Variants in NRXN3 observed in about 807,000 individuals in gnomAD.
NRXN3 encodes neurexin III.
Under a neutral mutation model 137.6 loss-of-function variants are expected in NRXN3, and 32 were observed. The ratio of observed to expected loss-of-function variants is 0.23; its 90% CI spans 0.18 to 0.31. The LOEUF is 0.31. Among genes scored for constraint, NRXN3 ranks in the 10% least tolerant of loss-of-function variants. The pLI, the probability that NRXN3 is intolerant of heterozygous loss-of-function variation, is 1.00. For missense variants in NRXN3, 1,574 were observed against 2,062.5 expected (o/e 0.76, Z 4.59); for synonymous variants, 798 against 784.5 (o/e 1.02, Z -0.29).
At chr14:78,586,452 G>A (rs61507436) in intron 4 of NRXN3, among the ~76,000 whole-genome samples, 2,048 of 152,276 alleles carry the variant, frequency 0.013, 39 homozygotes, top group African/African-American at 0.047. Context: ...TAGTAGCACA[G>A]GATTGGCATA....
rs566059105 is a variant in NRXN3, at chr14:79,526,197, G to A, written c.3444+58795G>A. Among the ~76,000 whole-genome samples the A allele has an allele frequency of 5.9e-5, 9 of 152,170 alleles. No individual in the cohort carries two copies. The East Asian group carries it at 1.6e-3, about 26-fold the overall frequency. On this transcript the variant is annotated intron_variant, in intron 16 of 20. Coordinates refer to ENST00000335750, the MANE Select transcript of NRXN3 (RefSeq NM_001330195.2). ...CGAGTAGCTGGGATTACAGGCATGT[G>A]CCACCACGCCCAGCTAATTTTGTAT... is the stretch of plus-strand genomic sequence containing the variant.
chr14:79,302,370 T>TTGGC (rs1433585332), intron 15 of NRXN3, among the ~76,000 whole-genome samples: 1 of 151,980 alleles, frequency 6.6e-6, no homozygotes, highest in African/African-American at 2.4e-5. Flanking sequence ...CAGCATCTGC[T>TTGGC]TGGCTTCTGG....
intron 6 of NRXN3, among the ~76,000 whole-genome samples, chr14:78,685,956 A>G (rs2098122288): frequency 6.6e-6 from 1 of 151,912 alleles, no homozygotes; most frequent in Non-Finnish European, 1.5e-5. Context: ...GCCATGTCAC[A>G]GTTTTATAGG....
intron 15 of NRXN3, among the ~76,000 whole-genome samples, chr14:79,105,905 A>G (rs891142120): frequency 1.2e-4 from 19 of 152,074 alleles, no homozygotes; most frequent in African/African-American, 4.6e-4. Flanking sequence ...TTCTTCTCTT[A>G]TCGTTATGAT....
intron 4 of NRXN3, among the ~76,000 whole-genome samples, chr14:78,346,194 G>A (rs1284468639): frequency 6.6e-6 from 1 of 152,166 alleles, no homozygotes; most frequent in Non-Finnish European, 1.5e-5. Flanking sequence ...ACAACCTCTG[G>A]CTGATCTCTG....
intron 15 of NRXN3, among the ~76,000 whole-genome samples, chr14:79,296,878 T>TGTTTAATGTGGCCTAGCA (rs1190545100): frequency 1.3e-5 from 2 of 152,232 alleles, no homozygotes; most frequent in Non-Finnish European, 2.9e-5. Flanking sequence ...AAGATAAAAA[T>TGTTTAATGTGGCCTAGCA]GTTTAATGTG....
intron 4 of NRXN3, among the ~76,000 whole-genome samples, chr14:78,315,228 G>A (rs1355701330): frequency 6.6e-6 from 1 of 151,858 alleles, no homozygotes; most frequent in Non-Finnish European, 1.5e-5. Context: ...CTTGACCTAA[G>A]TTGATCCGCC....
Position 78,996,845 on chromosome 14 carries a change from C to G in NRXN3, c.3262+8704C>G, listed in dbSNP as rs568104851. Among the ~76,000 whole-genome samples, 87 of 152,166 alleles carry G rather than the reference C, an allele frequency of 5.7e-4. 1 individual carries two copies. In the South Asian group the frequency reaches 0.018, roughly 31 times the overall value. On this transcript the variant is annotated intron_variant, in intron 15 of 20. Coordinates refer to ENST00000335750, the MANE Select transcript of NRXN3 (RefSeq NM_001330195.2). Reference sequence around the variant, plus strand: ...ATTTCTCTGCATCTGTTTTTATTCTCGGGCCCACAGATATTCCATGGAGCC... The same window carrying G: ...ATTTCTCTGCATCTGTTTTTATTCTGGGGCCCACAGATATTCCATGGAGCC...
At position 79,167,631 on chromosome 14, in the gene NRXN3, TTA is replaced by T. The variant is rs869095149; in HGVS notation, c.3262+179492_3262+179493del. On this transcript the variant is annotated intron_variant, in intron 15 of 20. Transcript: ENST00000335750. ...TTGTTATTCCTACCAGGTTTTGTTG[TTA>T]TTTTTTTTCTTCAATGATGTCTAAT... Among the ~76,000 whole-genome samples the T allele has an allele frequency of 7.1e-4, 101 of 142,440 alleles. 1 individual carries two copies. The highest frequency in any genetic ancestry group is 2.2e-3 in the African/African-American group (86 of 39,446). The allele number at this position is 142,440 out of a possible 152,430, so 93.4% of individuals were successfully genotyped here.
At chr14:78,859,690 A>G (rs1027363178) in intron 10 of NRXN3, among the ~76,000 whole-genome samples, 2 of 152,192 alleles carry the variant, frequency 1.3e-5, no homozygotes, top group Admixed American at 6.6e-5. Flanking sequence ...CTTGTTATAT[A>G]TATCATCTCC....
intron 10 of NRXN3, among the ~76,000 whole-genome samples, chr14:78,860,036 C>T (rs2099068262): frequency 2.0e-5 from 3 of 152,104 alleles, no homozygotes; most frequent in Admixed American, 2.0e-4. Flanking sequence ...TAATTCCTTT[C>T]TCTTTGACAG....
chr14:78,591,897 A>G (rs1376397816), intron 4 of NRXN3, among the ~76,000 whole-genome samples: 1 of 152,168 alleles, frequency 6.6e-6, no homozygotes, highest in Non-Finnish European at 1.5e-5. Flanking sequence ...TTAGATTCAT[A>G]CTTTTAACCT....
chr14:79,392,968 T>TAAA (rs1168735117), intron 15 of NRXN3, among the ~76,000 whole-genome samples: 1 of 10,778 alleles, frequency 9.3e-5, no homozygotes, highest in Non-Finnish European at 1.9e-4. Flanking sequence ...AGGCTCCATC[T>TAAA]CAAAAAAAAA....
chr14:78,700,700 G>A (rs1481895397), intron 6 of NRXN3, among the ~76,000 whole-genome samples: 8 of 152,162 alleles, frequency 5.3e-5, no homozygotes, highest in Admixed American at 5.2e-4. Flanking sequence ...GAAAGAGCAA[G>A]CCTGTGATAG....
chr14:79,534,987 C>G (rs1383659686), intron 16 of NRXN3, among the ~76,000 whole-genome samples: 1 of 152,130 alleles, frequency 6.6e-6, no homozygotes, highest in Non-Finnish European at 1.5e-5. Flanking sequence ...CAACAGGCAA[C>G]CTTACATTTA....
Position 79,034,381 on chromosome 14 carries a change from T to G in NRXN3, c.3262+46240T>G, listed in dbSNP as rs964766820. Among the ~76,000 whole-genome samples the G allele has an allele frequency of 7.3e-5, 5 of 68,160 alleles. 1 individual carries two copies. The highest frequency in any genetic ancestry group is 3.8e-4 in the Admixed American group (2 of 5,214). The allele number at this position is 68,160 out of a possible 152,430, so 44.7% of individuals were successfully genotyped here. A position where few individuals can be genotyped will look rare whatever the true frequency, so the allele number is the denominator to read the frequency against. On this transcript the variant is annotated intron_variant, in intron 15 of 20. Coordinates refer to ENST00000335750, the MANE Select transcript of NRXN3 (RefSeq NM_001330195.2). ...ACACACACACACACACACACACAGG[T>G]TTTTTGGAAAAAAAACATGTTAAGA...
intron 16 of NRXN3, among the ~76,000 whole-genome samples, chr14:79,565,348 C>CACATATTGTGT (rs1382372387): frequency 2.8e-5 from 4 of 142,064 alleles, no homozygotes; most frequent in Non-Finnish European, 6.3e-5. Context: ...CATATGTGTG[C>CACATATTGTGT]GTATATGTAT....
intron 20 of NRXN3, among the ~76,000 whole-genome samples, chr14:79,827,009 G>C (rs536011900): frequency 4.6e-5 from 7 of 152,212 alleles, no homozygotes; most frequent in African/African-American, 1.2e-4. Context: ...ATAATAGTCT[G>C]ACAATGCTTT....
At chr14:79,684,192 CAA>C (rs1449985662) in intron 17 of NRXN3, among the ~76,000 whole-genome samples, 1 of 152,024 alleles carries the variant, frequency 6.6e-6, no homozygotes, top group African/African-American at 2.4e-5. Context: ...TGTTATGAAA[CAA>C]AAAGAATACA....
Sources: gnomAD v4.1 joint callset for allele counts (sites outside exome capture counted in the v4.1 genomes callset) on GRCh38, gnomAD v4.1.1 for gene constraint, MANE v1.5 for transcripts, NCBI Gene and HGNC (gene_info 2026-07-23, HGNC 2026-07-21) for gene names.